The following GREB1 variants were observed in gnomAD, a reference collection of about 807,000 sequenced individuals.
GREB1 encodes the protein growth regulating estrogen receptor binding 1.
A neutral mutation model predicts 200.7 loss-of-function variants in GREB1; 106 were observed. The ratio of observed to expected loss-of-function variants is 0.53; its 90% CI spans 0.45 to 0.62. GREB1 has a LOEUF of 0.62. Ranked by LOEUF, GREB1 falls within the 20% of genes least tolerant of loss-of-function variation. The pLI is 0.00. For synonymous variants in GREB1, 1,132 were observed against 1,092.4 expected (o/e 1.04, Z -0.72); for missense variants, 2,243 against 2,556.8 (o/e 0.88, Z 2.65).
chr2:11,484,808 C>G (rs1397736327), intron 1 of GREB1, among the ~76,000 whole-genome samples: 1 of 152,242 alleles, frequency 6.6e-6, no homozygotes, highest in Admixed American at 6.5e-5. Context: ...TCTGTCTTGG[C>G]CTTTCTTGTT....
Position 11,627,086 on chromosome 2 carries a change from C to A in GREB1, c.4431C>A (p.Gly1477=). 6.3e-7 allele frequency: 1 copy of A among 1,599,410 alleles called. No homozygotes were observed. Among genetic ancestry groups the A allele is most frequent in the Admixed American group, 1.7e-5 (1 of 58,480 alleles). ...GTGAGCAGTGCCACCAGTACATGGG[C>A]TTCCACCCCCGCTACCAGGTAGGCC... ...HHCEQCHQYM[G]FHPRYQLYES... is the part of the protein sequence containing the mutation. The change falls in exon 25 of 33, where the codon GGC becomes GGA. Residue 1477 remains glycine (G), a synonymous_variant. Transcript: ENST00000381486.
At chr2:11,526,146 A>G (rs1235084448) in intron 1 of GREB1, among the ~76,000 whole-genome samples, 1 of 152,226 alleles carries the variant, frequency 6.6e-6, no homozygotes, top group Non-Finnish European at 1.5e-5. Flanking sequence ...ATAGAGCCCT[A>G]GTTTTATGAA....
At chr2:11,596,722 A>G in intron 13 of GREB1, among the ~76,000 whole-genome samples, 1 of 51,394 alleles carries the variant, frequency 1.9e-5, no homozygotes, top group Non-Finnish European at 3.5e-5. Context: ...GAGAGAGGGT[A>G]GGGCACTGGT....
At chr2:11,573,932 G>A (rs573697959) in intron 4 of GREB1, among the ~76,000 whole-genome samples, 1 of 152,304 alleles carries the variant, frequency 6.6e-6, no homozygotes, top group South Asian at 2.1e-4. Flanking sequence ...TTGGCAAGTT[G>A]CTCTTAGTTT....
At chr2:11,605,925 C>T (rs759146339) in intron 17 of GREB1, among the ~76,000 whole-genome samples, 13 of 152,156 alleles carry the variant, frequency 8.5e-5, no homozygotes, top group Non-Finnish European at 1.5e-4. Context: ...ATGTACAAAG[C>T]TTTGTATAGA....
upstream of GREB1, among the ~76,000 whole-genome samples, chr2:11,529,687 A>G (rs1046257176): frequency 5.3e-5 from 8 of 152,226 alleles, no homozygotes; most frequent in African/African-American, 1.7e-4. Flanking sequence ...AATACCTCAA[A>G]TAGACATAAC....
At chr2:11,585,588 A>G (rs147896157) in intron 8 of GREB1, among the ~76,000 whole-genome samples, 174 bp from the exon 9 acceptor site, 183 of 152,348 alleles carry the variant, frequency 1.2e-3, no homozygotes, top group Non-Finnish European at 1.7e-3. Flanking sequence ...GGATGGGCGG[A>G]ATGAACTTAA....
intron 22 of GREB1, among the ~76,000 whole-genome samples, chr2:11,619,278 A>G (rs1183810625): frequency 6.6e-6 from 1 of 152,228 alleles, no homozygotes; most frequent in Non-Finnish European, 1.5e-5. Context: ...GTGAACCATG[A>G]ACGGAGAACT....
intron 3 of GREB1, among the ~76,000 whole-genome samples, chr2:11,565,136 C>G (rs914060254): frequency 1.3e-5 from 2 of 152,214 alleles, no homozygotes; most frequent in Non-Finnish European, 2.9e-5. Context: ...GTCAGCTTGG[C>G]CTCCCTTCCT....
intron 1 of GREB1, chr2:11,542,961 G>A (rs1035005800): frequency 6.6e-5 from 10 of 152,298 alleles, no homozygotes; most frequent in Admixed American, 6.5e-4. Context: ...TAATCCAAAT[G>A]CTTTCAGACA....
chr2:11,551,756 G>A (rs1675865850), intron 1 of GREB1, among the ~76,000 whole-genome samples: 4 of 152,098 alleles, frequency 2.6e-5, no homozygotes, highest in African/African-American at 7.2e-5. Flanking sequence ...GCCCGGGTTC[G>A]ATTCCCGGTC....
chr2:11,539,079 G>T lies in GREB1; in HGVS notation c.-162+4825G>T, dbSNP rs191756790. 2.9e-3 allele frequency among the ~76,000 whole-genome samples: 366 copies of T among 126,710 alleles called. 2 individuals are homozygous for T. Among genetic ancestry groups the T allele is most frequent in the African/African-American group, 0.014 (353 of 24,448 alleles). The allele number at this position is 126,710 out of a possible 152,430, so 83.1% of individuals were successfully genotyped here. A position where few individuals can be genotyped will look rare whatever the true frequency, so the allele number is the denominator to read the frequency against. ...TTCTCTTCTCTTCTCTTATGATAGG[G>T]TCTCACTTTGTCATCCAGGCTGGAG... is the stretch of plus-strand genomic sequence containing the variant. On this transcript the variant is annotated intron_variant, in intron 1 of 32. Coordinates refer to ENST00000381486, the MANE Select transcript of GREB1 (RefSeq NM_014668.4).
chr2:11,581,276 C>T, intron 7 of GREB1: 1 of 503,682 alleles, frequency 2.0e-6, no homozygotes, highest in South Asian at 2.9e-5. Flanking sequence ...GATGAGAATT[C>T]TGCTCCAAGG....
chr2:11,619,959 T>C (rs967051960), intron 22 of GREB1, among the ~76,000 whole-genome samples: 1 of 152,214 alleles, frequency 6.6e-6, no homozygotes, highest in Admixed American at 6.5e-5. Flanking sequence ...AGCACATCCC[T>C]GGAGTGGCTC....
intron 30 of GREB1, 101 bp downstream of exon 30, chr2:11,635,506 C>T: frequency 2.9e-6 from 4 of 1,371,266 alleles, no homozygotes; most frequent in East Asian, 2.3e-5. Flanking sequence ...ATGTCTCTTT[C>T]AAGCGCATGG....
chr2:11,577,331 C>G (rs2148043746), intron 5 of GREB1, among the ~76,000 whole-genome samples: 2 of 152,316 alleles, frequency 1.3e-5, no homozygotes, highest in East Asian at 3.9e-4. Flanking sequence ...AAGCCCCCTG[C>G]AAATGTCACT....
chr2:11,618,417 C>T lies in GREB1; in HGVS notation c.3542C>T (p.Ala1181Val), dbSNP rs760111299. 6.2e-7 allele frequency: 1 copy of T among 1,609,288 alleles called. No individual in the cohort carries two copies. Among genetic ancestry groups the T allele is most frequent in the Non-Finnish European group, 8.5e-7 (1 of 1,178,472 alleles). Reference sequence around the variant, plus strand: ...CCTGGTGAGAAACAGAGGCCCCGGGCAAGTCAGGGGCCACCCTCGGCCATC... The same window carrying T: ...CCTGGTGAGAAACAGAGGCCCCGGGTAAGTCAGGGGCCACCCTCGGCCATC... ...RAPGEKQRPR[A>V]SQGPPSAISR... The change falls in exon 22 of 33, where the codon GCA becomes GTA. Residue 1181 changes from alanine (A) to valine (V), a missense_variant. Ala to Val is a moderately conservative substitution (Grantham distance 64). Coordinates refer to ENST00000381486, the MANE Select transcript of GREB1 (RefSeq NM_014668.4).
At chr2:11,530,357 C>T (rs749277932), upstream of GREB1, among the ~76,000 whole-genome samples, 34 of 151,496 alleles carry the variant, frequency 2.2e-4, no homozygotes, top group Non-Finnish European at 2.1e-4. Flanking sequence ...CCAGTGCGCC[C>T]GGCCCTAGGT....
rs112697822 is a variant in GREB1, at chr2:11,520,313, C to G, written c.-158-36144C>G. On this transcript the variant is annotated intron_variant, in intron 1 of 2. Transcript: ENST00000628795. ...ATAGATCTATTGGCTTAAAACAGCA[C>G]ATATTTATTATCTATCTTCCAGTTC... is the stretch of plus-strand genomic sequence containing the variant. Among the ~76,000 whole-genome samples, 985 of 152,350 alleles carry G rather than the reference C, an allele frequency of 6.5e-3. 13 individuals are homozygous for G. Among genetic ancestry groups the G allele is most frequent in the African/African-American group, 0.023 (951 of 41,572 alleles).
Sources: allele counts gnomAD v4.1 joint callset (sites outside exome capture counted in the v4.1 genomes callset), GRCh38; gene constraint gnomAD v4.1.1; transcripts MANE v1.5; gene names NCBI Gene and HGNC (gene_info 2026-07-23, HGNC 2026-07-21).